Variants in ENOX2 observed in about 807,000 individuals in gnomAD.
ENOX2 encodes the protein APK1 antigen.
A neutral mutation model predicts 45.0 loss-of-function variants in ENOX2; 36 were observed. That is an observed-to-expected ratio of 0.80 (90% CI 0.61 to 1.06). The LOEUF (loss-of-function observed/expected upper bound fraction) is 1.06, where lower values mean the gene tolerates loss of function less well. ENOX2 is among the 50% of genes least tolerant of loss of function. The probability of loss-of-function intolerance (pLI) is 0.00; values close to 1 mark genes in which losing one functional copy is unlikely to be tolerated. For synonymous variants in ENOX2, 174 were observed against 152.3 expected (o/e 1.14, Z -1.05); for missense variants, 423 against 462.5 (o/e 0.91, Z 0.78).
At chrX:130,713,001 T>C (rs2038233375) in intron 3 of ENOX2, among the ~76,000 whole-genome samples, 1 of 112,392 alleles carries the variant, frequency 8.9e-6, no homozygotes, top group Admixed American at 9.4e-5. Context: ...AGACAAGTGA[T>C]ATTTATCATT....
chrX:130,679,954 A>G (rs1368301463), intron 5 of ENOX2, among the ~76,000 whole-genome samples: 3 of 111,608 alleles, frequency 2.7e-5, no homozygotes, highest in Non-Finnish European at 3.8e-5. Context: ...GCTGACCATG[A>G]TATCTGGAGC....
intron 3 of ENOX2, among the ~76,000 whole-genome samples, chrX:130,760,583 C>T (rs2039460490): frequency 1.9e-5 from 2 of 108,069 alleles, no homozygotes; most frequent in Admixed American, 1.0e-4. Context: ...GTCAGGAGTT[C>T]GAGACCATCC....
At chrX:130,704,531 A>T (rs1405284784) in intron 3 of ENOX2, among the ~76,000 whole-genome samples, 1 of 110,859 alleles carries the variant, frequency 9.0e-6, no homozygotes, top group African/African-American at 3.3e-5. Flanking sequence ...AAATCTTTCT[A>T]TGGCTTTTTT....
intron 2 of ENOX2, among the ~76,000 whole-genome samples, chrX:130,807,004 T>C (rs1454794105): frequency 8.9e-6 from 1 of 112,027 alleles, no homozygotes; most frequent in Non-Finnish European, 1.9e-5. Flanking sequence ...TTAGCATTTG[T>C]TGAATTGAGT....
At chrX:130,640,142 C>G (rs779134173) in intron 10 of ENOX2, among the ~76,000 whole-genome samples, 2 of 111,634 alleles carry the variant, frequency 1.8e-5, no homozygotes, top group South Asian at 7.5e-4. Context: ...TTCATGAAGG[C>G]TCTGCCCTTA....
chrX:130,835,867 C>T (rs764975848), intron 2 of ENOX2, among the ~76,000 whole-genome samples: 1 of 112,590 alleles, frequency 8.9e-6, no homozygotes, highest in Admixed American at 9.4e-5. Context: ...ACACCGAAAG[C>T]AACTCAAGGA....
At chrX:130,842,443 C>T (rs776971612) in intron 2 of ENOX2, among the ~76,000 whole-genome samples, 7 of 111,631 alleles carry the variant, frequency 6.3e-5, no homozygotes, top group African/African-American at 1.9e-4. Context: ...CATCCTTAAA[C>T]GAACCAAAGG....
intron 12 of ENOX2, among the ~76,000 whole-genome samples, chrX:130,632,820 G>C (rs1408303543): frequency 8.9e-6 from 1 of 111,942 alleles, no homozygotes; most frequent in Admixed American, 9.5e-5. Context: ...TCAATCTTTG[G>C]CCTTTAGAAT....
At chrX:130,633,350 A>T (rs1236937675) in intron 12 of ENOX2, among the ~76,000 whole-genome samples, 1 of 112,600 alleles carries the variant, frequency 8.9e-6, no homozygotes, top group Non-Finnish European at 1.9e-5. Flanking sequence ...TTCCTAACCT[A>T]ATTGTGTCAG....
At chrX:130,768,499 G>A (rs769271968) in intron 3 of ENOX2, among the ~76,000 whole-genome samples, 2 of 111,893 alleles carry the variant, frequency 1.8e-5, no homozygotes, top group African/African-American at 3.3e-5. Flanking sequence ...ACCCCAGCCT[G>A]CTGTCCACCA....
At chrX:130,647,483 T>C (rs1035297768) in intron 10 of ENOX2, among the ~76,000 whole-genome samples, 1 of 112,228 alleles carries the variant, frequency 8.9e-6, no homozygotes, top group Non-Finnish European at 1.9e-5. Context: ...GCTGCATGTG[T>C]AGGTTGCTGG....
intron 2 of ENOX2, among the ~76,000 whole-genome samples, chrX:130,884,807 T>C (rs975724955): frequency 1.8e-5 from 2 of 111,465 alleles, no homozygotes; most frequent in African/African-American, 6.5e-5. Context: ...GAATTAGCTG[T>C]ATATTTTTTC....
At chrX:130,856,010 T>C (rs1331209272) in intron 2 of ENOX2, among the ~76,000 whole-genome samples, 2 of 111,392 alleles carry the variant, frequency 1.8e-5, no homozygotes, top group African/African-American at 6.5e-5. Context: ...CAAATTAAGA[T>C]CACAATGAGA....
intron 10 of ENOX2, among the ~76,000 whole-genome samples, chrX:130,651,679 C>T (rs1331491417): frequency 7.1e-5 from 8 of 112,011 alleles, no homozygotes; most frequent in Non-Finnish European, 1.5e-4. Flanking sequence ...TTCTTCCTTC[C>T]ATACTGCCCA....
chrX:130,680,442 G>T (rs1232950523), intron 5 of ENOX2, among the ~76,000 whole-genome samples: 1 of 111,381 alleles, frequency 9.0e-6, no homozygotes, highest in East Asian at 2.8e-4. Context: ...AAGCTCGTCT[G>T]GGAAATCATT....
intron 10 of ENOX2, among the ~76,000 whole-genome samples, chrX:130,649,222 C>T (rs1053129312): frequency 1.8e-4 from 19 of 107,831 alleles, no homozygotes; most frequent in African/African-American, 5.4e-4. Context: ...TTCCAGCCTT[C>T]GGAATTGTAA....
At chrX:130,897,324 C>T (rs188523634) in intron 2 of ENOX2, among the ~76,000 whole-genome samples, 3 of 112,146 alleles carry the variant, frequency 2.7e-5, no homozygotes, top group Non-Finnish European at 5.6e-5. Context: ...GTTGGCTGTT[C>T]TTGTTATGCT....
At chrX:130,870,805 CTG>C (rs1203373405) in intron 2 of ENOX2, among the ~76,000 whole-genome samples, 2 of 105,641 alleles carry the variant, frequency 1.9e-5, no homozygotes, top group East Asian at 6.1e-4. Context: ...CAACCTTTTT[CTG>C]TGTGTTTTAA....
chrX:130,886,258 A>G (rs903642970), intron 2 of ENOX2, among the ~76,000 whole-genome samples: 2 of 112,794 alleles, frequency 1.8e-5, no homozygotes, highest in African/African-American at 3.2e-5. Flanking sequence ...CACGCATCAA[A>G]ATAGAACATG....
Sources: gnomAD v4.1 joint callset for allele counts (sites outside exome capture counted in the v4.1 genomes callset) on GRCh38, gnomAD v4.1.1 for gene constraint, MANE v1.5 for transcripts, NCBI Gene and HGNC (gene_info 2026-07-23, HGNC 2026-07-21) for gene names.